The following VTI1A variants were observed in gnomAD, a reference collection of about 807,000 sequenced individuals.
VTI1A encodes vesicle transport through interaction with t-SNAREs 1A, also known as vesicle transport through interaction with t-SNAREs homolog 1A.
A neutral mutation model predicts 34.9 loss-of-function variants in VTI1A; 22 were observed. The ratio of observed to expected loss-of-function variants is 0.63; its 90% CI spans 0.45 to 0.90. The LOEUF (loss-of-function observed/expected upper bound fraction) is 0.90. VTI1A is among the 40% of genes least tolerant of loss of function. The pLI is 0.00. For synonymous variants in VTI1A, 87 were observed against 97.3 expected, an observed-to-expected ratio of 0.89 and a Z score of 0.62; for missense variants, 268 against 275.6, an observed-to-expected ratio of 0.97 and a Z score of 0.20.
intron 5 of VTI1A, among the ~76,000 whole-genome samples, chr10:112,631,998 T>G (rs1846146871): frequency 6.6e-6 from 1 of 152,222 alleles, no homozygotes; most frequent in Non-Finnish European, 1.5e-5. Flanking sequence ...ATATGGTAAT[T>G]ATAACAATAT....
At chr10:112,665,627 T>C (rs1178003242) in intron 5 of VTI1A, among the ~76,000 whole-genome samples, 1 of 152,158 alleles carries the variant, frequency 6.6e-6, no homozygotes, top group Non-Finnish European at 1.5e-5. Flanking sequence ...TACTTCCTGT[T>C]TGTTGATTCC....
chr10:112,612,437 C>A (rs1013319833), intron 5 of VTI1A, among the ~76,000 whole-genome samples: 1 of 152,080 alleles, frequency 6.6e-6, no homozygotes, highest in Non-Finnish European at 1.5e-5. Context: ...TTTTAAGAGA[C>A]AGGGTCTTGC....
At chr10:112,754,045 C>A (rs376799839) in intron 7 of VTI1A, among the ~76,000 whole-genome samples, 44 of 152,148 alleles carry the variant, frequency 2.9e-4, no homozygotes, top group African/African-American at 9.4e-4. Flanking sequence ...GTAAGTTGGA[C>A]CGCGAGAGAA....
chr10:112,684,163 C>G (rs1205526551), intron 7 of VTI1A, among the ~76,000 whole-genome samples: 2 of 151,872 alleles, frequency 1.3e-5, no homozygotes, highest in African/African-American at 4.8e-5. Context: ...TATTTTATTC[C>G]AGTTTTTTCT....
At chr10:112,596,728 G>A (rs1235266642) in intron 5 of VTI1A, among the ~76,000 whole-genome samples, 1 of 152,016 alleles carries the variant, frequency 6.6e-6, no homozygotes, top group East Asian at 1.9e-4. Flanking sequence ...TCTTTGTCAC[G>A]AGTAAGGCTG....
At chr10:112,571,755 A>G (rs888877579) in intron 5 of VTI1A, among the ~76,000 whole-genome samples, 1 of 152,190 alleles carries the variant, frequency 6.6e-6, no homozygotes, top group Non-Finnish European at 1.5e-5. Context: ...ACCAACAATA[A>G]ATTGGATAAA....
At chr10:112,773,063 A>G (rs1851859358) in intron 7 of VTI1A, among the ~76,000 whole-genome samples, 1 of 152,224 alleles carries the variant, frequency 6.6e-6, no homozygotes, top group Non-Finnish European at 1.5e-5. Context: ...TAATTTATAT[A>G]CGTCTCTTAC....
At chr10:112,485,319 G>A (rs994466719) in intron 3 of VTI1A, 3 of 151,790 alleles carry the variant, frequency 2.0e-5, no homozygotes, top group Non-Finnish European at 2.9e-5. Flanking sequence ...AAAGAATGAA[G>A]TTTCTGAAAT....
intron 5 of VTI1A, among the ~76,000 whole-genome samples, chr10:112,649,888 A>C (rs1212503423): frequency 6.6e-6 from 1 of 152,204 alleles, no homozygotes; most frequent in African/African-American, 2.4e-5. Flanking sequence ...ATCCACCTGG[A>C]CGGGACACTC....
chr10:112,647,264 G>A (rs1236959856), intron 5 of VTI1A, among the ~76,000 whole-genome samples: 1 of 152,174 alleles, frequency 6.6e-6, no homozygotes, highest in African/African-American at 2.4e-5. Flanking sequence ...GGACCATGAC[G>A]GTTTTCACTT....
intron 7 of VTI1A, among the ~76,000 whole-genome samples, chr10:112,705,042 C>T (rs111490796): frequency 6.6e-5 from 10 of 151,258 alleles, no homozygotes; most frequent in African/African-American, 1.9e-4. Context: ...ACTGCAGGCA[C>T]GTGCCACCAT....
At chr10:112,504,890 TC>T (rs1234279826) in intron 3 of VTI1A, among the ~76,000 whole-genome samples, 1 of 152,076 alleles carries the variant, frequency 6.6e-6, no homozygotes, top group African/African-American at 2.4e-5. Context: ...AGATGGAATG[TC>T]TTTTTATATG....
intron 5 of VTI1A, among the ~76,000 whole-genome samples, chr10:112,627,038 G>A (rs1227718777): frequency 1.3e-5 from 2 of 152,158 alleles, no homozygotes; most frequent in African/African-American, 4.8e-5. Flanking sequence ...CAGTTGCCTG[G>A]CAGATAATTG....
chr10:112,778,979 A>G (rs1300273184), intron 7 of VTI1A, among the ~76,000 whole-genome samples: 1 of 152,212 alleles, frequency 6.6e-6, no homozygotes, highest in Non-Finnish European at 1.5e-5. Flanking sequence ...AAGGAAAAAA[A>G]TAAGAATAAT....
At chr10:112,839,205 G>T in the VTI1A span, among the ~76,000 whole-genome samples, 1 of 152,224 alleles carries the variant, frequency 6.6e-6, no homozygotes, top group Non-Finnish European at 1.5e-5. Context: ...CCCTGGCAGG[G>T]CCAGCCCCTT....
chr10:112,498,271 T>C (rs1207592092), intron 3 of VTI1A, among the ~76,000 whole-genome samples: 1 of 152,218 alleles, frequency 6.6e-6, no homozygotes, highest in East Asian at 1.9e-4. Context: ...AAGGTTAAGT[T>C]ATTCTTAAAG....
intron 7 of VTI1A, chr10:112,752,379 G>T (rs1019065795): frequency 8.1e-6 from 8 of 985,142 alleles, no homozygotes; most frequent in Non-Finnish European, 9.6e-6. Flanking sequence ...TTACATTATC[G>T]ACTAGTCTGA....
At chr10:112,547,503 A>G (rs1444449990) in intron 5 of VTI1A, among the ~76,000 whole-genome samples, 2 of 152,116 alleles carry the variant, frequency 1.3e-5, no homozygotes, top group Non-Finnish European at 2.9e-5. Flanking sequence ...ACTTGAACCC[A>G]GGAGGCAGAG....
At chr10:112,461,142 G>A (rs531148493) in intron 2 of VTI1A, among the ~76,000 whole-genome samples, 3 of 152,330 alleles carry the variant, frequency 2.0e-5, no homozygotes, top group African/African-American at 7.2e-5. Context: ...CAGTTCCTGA[G>A]TCTGAATTCC....
Sources: allele counts gnomAD v4.1 joint callset (sites outside exome capture counted in the v4.1 genomes callset), GRCh38; gene constraint gnomAD v4.1.1; transcripts MANE v1.5; gene names NCBI Gene and HGNC (gene_info 2026-07-23, HGNC 2026-07-21).